Variants in CCDC57 observed in about 807,000 individuals in gnomAD.
CCDC57 encodes coiled-coil domain-containing protein 57.
In CCDC57, 118 loss-of-function variants were observed where a neutral mutation model predicts 118.9. The ratio of observed to expected loss-of-function variants is 0.99; its 90% CI spans 0.86 to 1.16. The LOEUF (loss-of-function observed/expected upper bound fraction) is 1.16, where lower values mean the gene tolerates loss of function less well. Among genes scored for constraint, CCDC57 ranks in the 50% most tolerant of loss-of-function variants. The pLI is 0.00. For synonymous variants in CCDC57, 527 were observed against 532.9 expected, an observed-to-expected ratio of 0.99 and a Z score of 0.15; for missense variants, 1,300 against 1,320.7, an observed-to-expected ratio of 0.98 and a Z score of 0.24.
chr17:82,208,232 C>G (rs749572599), intron 1 of CCDC57, among the ~76,000 whole-genome samples: 2 of 151,664 alleles, frequency 1.3e-5, no homozygotes, highest in Non-Finnish European at 2.9e-5. Context: ...TTTATGACCT[C>G]CATGTATAAA....
intron 3 of CCDC57, among the ~76,000 whole-genome samples, chr17:82,201,307 G>GA (rs1298125635): frequency 3.9e-5 from 6 of 152,164 alleles, no homozygotes. Context: ...TCAGAACCCA[G>GA]AAAAAGACAG....
intron 2 of CCDC57, among the ~76,000 whole-genome samples, chr17:82,204,039 A>G (rs1027311313): frequency 3.9e-5 from 6 of 152,154 alleles, no homozygotes; most frequent in African/African-American, 1.4e-4. Flanking sequence ...GCCCCTCCAG[A>G]AAGGGCTGGT....
At chr17:82,178,323 T>C (rs1345609806) in intron 11 of CCDC57, 151 bp downstream of exon 10, 3 of 926,134 alleles carry the variant, frequency 3.2e-6, no homozygotes, top group Non-Finnish European at 4.6e-6. Flanking sequence ...TCTCTAAAGC[T>C]TCTGACTCAC....
At chr17:82,114,816 T>C (rs1460011068) in intron 19 of CCDC57, among the ~76,000 whole-genome samples, 1 of 152,344 alleles carries the variant, frequency 6.6e-6, no homozygotes, top group East Asian at 1.9e-4. Context: ...ATTTGGCCCA[T>C]ACTTTGTTTG....
At chr17:82,138,360 G>A (rs1039263382) in intron 16 of CCDC57, among the ~76,000 whole-genome samples, 4 of 151,674 alleles carry the variant, frequency 2.6e-5, no homozygotes, top group African/African-American at 9.7e-5. Context: ...CTGTTAGCCA[G>A]GATGGTCTCG....
At chr17:82,111,075 C>G (rs2035209672) in intron 19 of CCDC57, among the ~76,000 whole-genome samples, 1 of 151,940 alleles carries the variant, frequency 6.6e-6, no homozygotes, top group African/African-American at 2.4e-5. Context: ...GAATCAAAGA[C>G]AGACTTTGTT....
chr17:82,133,431 CAAAAAAA>C (rs71166189), intron 17 of CCDC57, among the ~76,000 whole-genome samples: 374 of 38,386 alleles, frequency 9.7e-3, no homozygotes, highest in Non-Finnish European at 0.013. Context: ...GGCCCTGTCT[CAAAAAAA>C]AAAAAAAAAA....
chr17:82,141,703 G>A (rs1193356196), intron 16 of CCDC57, among the ~76,000 whole-genome samples: 1 of 152,144 alleles, frequency 6.6e-6, no homozygotes, highest in Admixed American at 6.5e-5. Context: ...GGGTTTTCAT[G>A]CAGACGTGTG....
chr17:82,111,377 C>CTTT lies in CCDC57; in HGVS notation c.2900-9514_2900-9512dup, dbSNP rs752590665. On this transcript the variant is annotated intron_variant, in intron 19 of 19. Transcript: ENST00000665763. ...TTGGCCTCTCAAAGTGCCTAGGGCC[C>CTTT]TTTTTTTTTTTTTTTTTTTGAGAGG... is the stretch of plus-strand genomic sequence containing the variant. Among the ~76,000 whole-genome samples, 26 of 113,258 alleles carry CTTT rather than the reference C, an allele frequency of 2.3e-4. 1 individual carries two copies. Among genetic ancestry groups the CTTT allele is most frequent in the African/African-American group, 6.5e-4 (17 of 26,240 alleles). The allele number at this position is 113,258 out of a possible 152,430, so 74.3% of individuals were successfully genotyped here. A position where few individuals can be genotyped will look rare whatever the true frequency, so the allele number is the denominator to read the frequency against.
At chr17:82,116,276 G>A (rs918160839) in intron 19 of CCDC57, among the ~76,000 whole-genome samples, 8 of 151,916 alleles carry the variant, frequency 5.3e-5, no homozygotes, top group Admixed American at 1.3e-4. Context: ...AGAGTGGGGT[G>A]GGGAGTGAGG....
chr17:82,185,517 G>A (rs1264651710), intron 8 of CCDC57, among the ~76,000 whole-genome samples: 1 of 151,892 alleles, frequency 6.6e-6, no homozygotes. Flanking sequence ...TACCTGGGAG[G>A]CTGAGGGGGG....
chr17:82,102,016 G>T, intron 19 of CCDC57, 150 bp from the exon 19 acceptor site: 1 of 722,902 alleles, frequency 1.4e-6, no homozygotes, highest in Non-Finnish European at 2.1e-6. Flanking sequence ...CCAGGAGTCC[G>T]TGAAGGCCAA....
chr17:82,101,611 CGT>C, exon 20 of CCDC57: 1 of 1,276,140 alleles, frequency 7.8e-7, no homozygotes. Context: ...CCCCACAACA[CGT>C]AGGTGAAAGC....
chr17:82,204,952 C>T (rs2049436120), intron 2 of CCDC57, among the ~76,000 whole-genome samples: 1 of 152,226 alleles, frequency 6.6e-6, no homozygotes, highest in Non-Finnish European at 1.5e-5. Flanking sequence ...CCAGTGGGAC[C>T]TCAACCTGAA....
chr17:82,135,618 A>C (rs2039043090), intron 16 of CCDC57, among the ~76,000 whole-genome samples: 1 of 152,186 alleles, frequency 6.6e-6, no homozygotes, highest in Non-Finnish European at 1.5e-5. Flanking sequence ...GTTTATAAAC[A>C]CCTGAATTTA....
chr17:82,115,792 CTTTTTTTT>C (rs35213711), intron 19 of CCDC57, among the ~76,000 whole-genome samples: 1 of 65,682 alleles, frequency 1.5e-5, no homozygotes, highest in African/African-American at 6.7e-5. Flanking sequence ...TTTATGCAAC[CTTTTTTTT>C]TTTTTTTTTT....
At chr17:82,139,777 T>C (rs1346229804) in intron 16 of CCDC57, among the ~76,000 whole-genome samples, 1 of 152,152 alleles carries the variant, frequency 6.6e-6, no homozygotes, top group Non-Finnish European at 1.5e-5. Flanking sequence ...GGCACAGGCT[T>C]CTGATGGCGG....
chr17:82,128,923 T>G (rs1305542087), intron 17 of CCDC57, among the ~76,000 whole-genome samples: 1 of 145,900 alleles, frequency 6.9e-6, no homozygotes, highest in African/African-American at 2.5e-5. Context: ...TGCTTTTTTG[T>G]TTTTTTTTTT....
chr17:82,163,421 A>G, intron 13 of CCDC57, 64 bp from the exon 13 acceptor site: 6 of 1,578,228 alleles, frequency 3.8e-6, no homozygotes, highest in Non-Finnish European at 5.2e-6. Flanking sequence ...TTCTGGGGAG[A>G]CACACATCTC....
Sources: gnomAD v4.1 joint callset for allele counts (sites outside exome capture counted in the v4.1 genomes callset) on GRCh38, gnomAD v4.1.1 for gene constraint, MANE v1.5 for transcripts, NCBI Gene and HGNC (gene_info 2026-07-23, HGNC 2026-07-21) for gene names.